APBB3: variants seen among roughly 807,000 people sequenced by gnomAD.
APBB3 encodes the protein amyloid beta precursor protein binding family B member 3.
APBB3 carries 50 observed loss-of-function variants against 61.5 expected under a neutral mutation model. The ratio of observed to expected loss-of-function variants is 0.81; its 90% CI spans 0.65 to 1.03. The LOEUF (loss-of-function observed/expected upper bound fraction) is 1.03, where lower values mean the gene tolerates loss of function less well. Among genes scored for constraint, APBB3 ranks in the 50% least tolerant of loss-of-function variants. APBB3 has a pLI of 0.00. For missense variants in APBB3, 550 were observed against 637.4 expected (o/e 0.86, Z 1.48); for synonymous variants, 235 against 233.0 (o/e 1.01, Z -0.08).
Position 140,561,077 on chromosome 5 carries a change from T to G in APBB3, c.857A>C (p.Gln286Pro). ...RQVELLDAVS[Q>P]AAQKYEALYM... ...CAGTGCCTCGTACTTCTGAGCAGCT[T>G]GGCTTACCGCATCCAGCAGCTCCAC... The change falls in exon 10 of 13, where the codon CAA becomes CCA. Residue 286 changes from glutamine to proline, a missense_variant. Gln to Pro is a moderately conservative substitution (Grantham distance 76). Coordinates refer to ENST00000357560, the MANE Select transcript of APBB3 (RefSeq NM_133173.3). 6 of 1,614,108 alleles carry G rather than the reference T, an allele frequency of 3.7e-6. No homozygotes were observed. Among genetic ancestry groups the G allele is most frequent in the Non-Finnish European group, 5.1e-6 (6 of 1,180,046 alleles).
In APBB3 at chr5:140,560,513, AC is replaced by A. The variant is rs1754900610; in HGVS notation, c.1033-10del. ...TCTGTACTGGCCTCTGCCTGCCCACACCAGGCCTAGTCACTAGAGGGCCAAG... is the reference window on the plus strand; with the variant it reads ...TCTGTACTGGCCTCTGCCTGCCCACACAGGCCTAGTCACTAGAGGGCCAAG... On this transcript the variant is annotated splice_polypyrimidine_tract_variant and intron_variant, in intron 11 of 12. Transcript: ENST00000357560. This position sits in a 1 kb window ranked among gnomAD's most constrained non-coding sequence, Gnocchi z 5.1. The A allele has an allele frequency of 1.2e-6, 2 of 1,611,196 alleles. No individual in the cohort carries two copies. The highest frequency in any genetic ancestry group is 1.7e-6 in the Non-Finnish European group (2 of 1,178,138).
Position 140,561,083 on chromosome 5 carries a change from A to AC in APBB3, c.850dup (p.Val284GlyfsTer52). On this transcript the variant is annotated frameshift_variant, in exon 10 of 13. Transcript: ENST00000357560. LOFTEE classifies it high-confidence loss of function. ...CTCGTACTTCTGAGCAGCTTGGCTT[A>AC]CCGCATCCAGCAGCTCCACTGAAAT... The AC allele has an allele frequency of 6.2e-7, 1 of 1,614,034 alleles. No individual in the cohort carries two copies. The highest frequency in any genetic ancestry group is 2.2e-5 in the East Asian group (1 of 44,872).
At chr5:140,562,908 A>C (rs1755027739) in intron 3 of APBB3, 185 bp from the exon 4 acceptor site, 1 of 613,196 alleles carries the variant, frequency 1.6e-6, no homozygotes, top group Admixed American at 3.0e-5. Flanking sequence ...TCAGAATTTG[A>C]GGGAAAATTC....
In APBB3 at chr5:140,561,040, T is replaced by G; in HGVS notation, c.894A>C (p.Thr298=). Residue 298 remains threonine, a synonymous_variant, in exon 10 of 13, where the codon ACA becomes ACC. Coordinates refer to ENST00000357560, the MANE Select transcript of APBB3 (RefSeq NM_133173.3). The part of the protein sequence containing the change: ...AQKYEALYMG[T]LPVTKAMGMD... ...CACCCATGGCCTTGGTGACTGGCAGTGTCCCCATATACAGTGCCTCGTACT... is the reference window on the plus strand; with the variant it reads ...CACCCATGGCCTTGGTGACTGGCAGGGTCCCCATATACAGTGCCTCGTACT... 6.2e-7 allele frequency: 1 copy of G among 1,613,644 alleles called. No homozygotes were observed. Among genetic ancestry groups the G allele is most frequent in the Non-Finnish European group, 8.5e-7 (1 of 1,180,030 alleles).
chr5:140,560,766 T>C lies in APBB3; in HGVS notation c.917-12A>G. On this transcript the variant is annotated splice_polypyrimidine_tract_variant and intron_variant, in intron 10 of 12. Coordinates refer to ENST00000357560, the MANE Select transcript of APBB3 (RefSeq NM_133173.3). The surrounding 1 kb of genome is among the most constrained non-coding windows in gnomAD (Gnocchi z 5.1). ...CAGCACATCCATGCCTGGGGGAACA[T>C]ACCCAGCGTGTCTCCCAGTGTAAAA... 3 of 1,607,996 alleles carry C rather than the reference T, an allele frequency of 1.9e-6. No individual in the cohort carries two copies. Among genetic ancestry groups the C allele is most frequent in the East Asian group, 4.5e-5 (2 of 44,798 alleles).
Position 140,564,455 on chromosome 5 carries a change from T to C in APBB3, c.-210A>G. On this transcript the variant is annotated 5_prime_UTR_variant, in exon 1 of 13. Transcript: ENST00000357560. This position sits in a 1 kb window ranked among gnomAD's most constrained non-coding sequence, Gnocchi z 5.0. ...GCACAGCCCGCCCAGGGGTGGTGCGTGTAAACGGGCGTCTGGATCCCCGAA... is the reference window on the plus strand; with the variant it reads ...GCACAGCCCGCCCAGGGGTGGTGCGCGTAAACGGGCGTCTGGATCCCCGAA... The C allele has an allele frequency of 1.7e-6, 1 of 594,362 alleles. No individual in the cohort carries two copies. 36.8% of individuals were successfully genotyped at this position (594,362 alleles called of 1,614,324 possible).
In APBB3 at chr5:140,560,248, C is replaced by G. The variant is rs963092126; in HGVS notation, c.1224+65G>C. The G allele has an allele frequency of 5.2e-6, 8 of 1,542,544 alleles. No individual in the cohort carries two copies. In the South Asian group the frequency reaches 9.5e-5, roughly 18 times the overall value. ...CTCTGAAGAGGCTGCCGACCCGGAG[C>G]CCAAGTAAACAGTGGAGAGCAGCTG... On this transcript the variant is annotated intron_variant, in intron 12 of 12. Coordinates refer to ENST00000357560, the MANE Select transcript of APBB3 (RefSeq NM_133173.3). This position sits in a 1 kb window ranked among gnomAD's most constrained non-coding sequence, Gnocchi z 5.1.
At chr5:140,561,799 T>A (rs950937591) in intron 7 of APBB3, 45 bp downstream of exon 7, 5 of 1,613,266 alleles carry the variant, frequency 3.1e-6, no homozygotes. Context: ...AGGGATGGAG[T>A]AGGGACATCA....
Position 140,561,079 on chromosome 5 carries a change from G to C in APBB3, c.855C>G (p.Ser285Arg). The change falls in exon 10 of 13, where the codon AGC becomes AGG. Residue 285 changes from serine to arginine, a missense_variant. Physicochemically the swap from Ser to Arg is moderately radical, Grantham distance 110. Transcript: ENST00000357560. The stretch of plus-strand genomic sequence containing the variant: ...GTGCCTCGTACTTCTGAGCAGCTTG[G>C]CTTACCGCATCCAGCAGCTCCACTG... ...PRQVELLDAV[S>R]QAAQKYEALY... The C allele has an allele frequency of 6.2e-7, 1 of 1,614,016 alleles. No individual in the cohort carries two copies. The highest frequency in any genetic ancestry group is 8.5e-7 in the Non-Finnish European group (1 of 1,180,030).
chr5:140,564,341 C>T lies in APBB3; in HGVS notation c.-96G>A. The T allele has an allele frequency of 6.7e-7, 1 of 1,488,084 alleles. No homozygotes were observed. The highest frequency in any genetic ancestry group is 1.2e-5 in the South Asian group (1 of 86,742). 92.2% of individuals were successfully genotyped at this position (1,488,084 alleles called of 1,614,324 possible). A position where few individuals can be genotyped will look rare whatever the true frequency, so the allele number is the denominator to read the frequency against. On this transcript the variant is annotated 5_prime_UTR_variant, in exon 1 of 13. Transcript: ENST00000357560. This position sits in a 1 kb window ranked among gnomAD's most constrained non-coding sequence, Gnocchi z 5.0. ...CGCCTGCAAGCCCAGCCTCTCTGCG[C>T]CGCAGGCTGCGGGGCCAGCTGGCGC...
rs748565423 is a variant in APBB3 at position 140,558,699 on chromosome 5, G to A, written c.1347C>T (p.Pro449=). 16 of 1,611,328 alleles carry A rather than the reference G, an allele frequency of 9.9e-6. No individual in the cohort carries two copies. Among genetic ancestry groups the A allele is most frequent in the Non-Finnish European group, 1.4e-5 (16 of 1,179,310 alleles). ...SSMDSPGGPL[P]LPLLKGGVGG... ...CAACCCCTCCTTTGAGCAGGGGGAG[G>A]GGCAGGGGACCTCCTGGGGAATCCA... Residue 449 remains proline, a synonymous_variant, in exon 13 of 13, where the codon CCC becomes CCT. Transcript: ENST00000357560.
chr5:140,563,390 T>C (rs1424595618), intron 3 of APBB3: 2 of 651,658 alleles, frequency 3.1e-6, no homozygotes, highest in East Asian at 2.8e-5. Flanking sequence ...ATGAAAAACA[T>C]GTAGCTACAA....
rs745441682 is a variant in APBB3, at chr5:140,558,705, G to T, written c.1341C>A (p.Pro447=). The T allele has an allele frequency of 6.2e-6, 10 of 1,610,834 alleles. No homozygotes were observed. Among genetic ancestry groups the T allele is most frequent in the African/African-American group, 1.3e-5 (1 of 74,530 alleles). Residue 447 remains proline, a synonymous_variant, in exon 13 of 13, where the codon CCC becomes CCA. Transcript: ENST00000357560. ...RTSSMDSPGG[P]LPLPLLKGGV... ...CTCCTTTGAGCAGGGGGAGGGGCAG[G>T]GGACCTCCTGGGGAATCCATGGAGC...
rs147739115 is a variant in APBB3 at position 140,562,207 on chromosome 5, G to A, written c.519C>T (p.Ile173=). Reference sequence around the variant, plus strand: ...CTAGGCTCATGGCATCCTTCTTCAGGATCATCAGCATGTTCTGGCCCTGCC... The same window carrying A: ...CTAGGCTCATGGCATCCTTCTTCAGAATCATCAGCATGTTCTGGCCCTGCC... The part of the protein sequence containing the change: ...AWGEGQNMLM[I]LKKDAMSLVN... Residue 173 remains isoleucine, a synonymous_variant, in exon 6 of 13, where the codon ATC becomes ATT. Transcript: ENST00000357560. 3.7e-5 allele frequency: 60 copies of A among 1,614,172 alleles called. No homozygotes were observed. In the African/African-American group the frequency reaches 7.6e-4, roughly 20 times the overall value.
At position 140,562,157 on chromosome 5, in the gene APBB3, A is replaced by T. The variant is rs1306238012; in HGVS notation, c.569T>A (p.Ile190Asn). The change falls in exon 6 of 13, where the codon ATC becomes AAC. Residue 190 changes from isoleucine (I) to asparagine (N), a missense_variant. Ile to Asn is a moderately radical substitution (Grantham distance 149, BLOSUM62 -3). This residue lies in a region of APBB3 where 405 missense variants were observed against 483.4 expected (regional missense o/e 0.84). Coordinates refer to ENST00000357560, the MANE Select transcript of APBB3 (RefSeq NM_133173.3). ...GATGTGCACCAGAGGCTGGCAGTGG[A>T]TCAGACTGTGGTCCAGGGGATTCAC... ...SLVNPLDHSL[I>N]HCQPLVHIRV... 1 of 1,614,182 alleles carries T rather than the reference A, an allele frequency of 6.2e-7. No homozygotes were observed. Among genetic ancestry groups the T allele is most frequent in the Admixed American group, 1.7e-5 (1 of 60,026 alleles).
rs201238932 is a variant in APBB3, at chr5:140,560,336, C to T, written c.1201G>A (p.Glu401Lys). The change falls in exon 12 of 13, where the codon GAA (glutamate) becomes AAA (lysine). Residue 401 changes from glutamate (E) to lysine (K), a missense_variant. Around this residue, in one of 3 missense-constraint regions of APBB3, gnomAD observed 138 missense variants for 132.6 expected, o/e 1.04. Transcript: ENST00000357560. The surrounding 1 kb of genome is among the most constrained non-coding windows in gnomAD (Gnocchi z 5.1). ...WCQPHAGGLS[E>K]AVQAACMVQY... ...ACCATACAGGCAGCCTGCACAGCTT[C>T]AGAGAGTCCCCCTGCATGGGGCTGG... The T allele has an allele frequency of 6.2e-7, 1 of 1,613,068 alleles. No individual in the cohort carries two copies. The highest frequency in any genetic ancestry group is 1.3e-5 in the African/African-American group (1 of 74,196).
At position 140,563,325 on chromosome 5, in the gene APBB3, A is replaced by G. The variant is rs60307435; in HGVS notation, c.290+269T>C. On this transcript the variant is annotated intron_variant, in intron 3 of 12. Transcript: ENST00000357560. ...ACCCCAAAGTGGGACAAGAGACCCT[A>G]GAACAGAGGACTTAATGGCCAAGGT... The G allele has an allele frequency of 3.2e-3, 1,673 of 525,866 alleles. 26 individuals are homozygous for G. Among genetic ancestry groups the G allele is most frequent in the African/African-American group, 0.029 (1,536 of 52,194 alleles). 32.6% of individuals were successfully genotyped at this position (525,866 alleles called of 1,614,324 possible).
chr5:140,563,729 C>T, intron 2 of APBB3, 23 bp downstream of exon 2: 3 of 1,614,052 alleles, frequency 1.9e-6, no homozygotes, highest in Non-Finnish European at 2.5e-6. Flanking sequence ...TGGGCTCAGA[C>T]CTCCTCCTCA....
In APBB3 at chr5:140,561,461, T is replaced by A; in HGVS notation, c.748-12A>T. The A allele has an allele frequency of 6.2e-7, 1 of 1,613,978 alleles. No individual in the cohort carries two copies. The highest frequency in any genetic ancestry group is 1.1e-5 in the South Asian group (1 of 91,066). On this transcript the variant is annotated splice_polypyrimidine_tract_variant and intron_variant, in intron 8 of 12. Coordinates refer to ENST00000357560, the MANE Select transcript of APBB3 (RefSeq NM_133173.3). ...CGCTCTGACAAGATCTAAAACACAA[T>A]GAAGCCAGCATGACCCACAGGGAGA...
Sources: allele counts gnomAD v4.1 joint callset, GRCh38; gene constraint gnomAD v4.1.1; regional missense constraint gnomAD v4.1.1; non-coding constraint Gnocchi (gnomAD v3.1); transcripts MANE v1.5; gene names NCBI Gene and HGNC (gene_info 2026-07-23, HGNC 2026-07-21).